SFMBT2: variants seen among roughly 807,000 people sequenced by gnomAD.
The protein encoded by SFMBT2 is Scm like with four mbt domains 2.
SFMBT2 carries 38 observed loss-of-function variants against 110.1 expected under a neutral mutation model. The observed-to-expected ratio is 0.35, with a 90% CI of 0.27 to 0.45. The LOEUF (loss-of-function observed/expected upper bound fraction) is 0.45, where lower values mean the gene tolerates loss of function less well. SFMBT2 is among the 20% of genes least tolerant of loss of function. SFMBT2 has a pLI of 1.00. For missense variants in SFMBT2, 1,011 were observed against 1,094.9 expected, an observed-to-expected ratio of 0.92 and a Z score of 1.08; for synonymous variants, 425 against 425.4, an observed-to-expected ratio of 1.00 and a Z score of 0.01.
Position 7,273,484 on chromosome 10 carries a change from T to A in SFMBT2, c.870+3408A>T, listed in dbSNP as rs146844399. 3.4e-3 allele frequency among the ~76,000 whole-genome samples: 522 copies of A among 152,328 alleles called. 2 individuals are homozygous for A. The highest frequency in any genetic ancestry group is 0.01 in the Middle Eastern group (3 of 294). On this transcript the variant is annotated intron_variant, in intron 7 of 20. Coordinates refer to ENST00000397167, the MANE Select transcript of SFMBT2 (RefSeq NM_001387889.1). ...CCCACATTTTTTTAATGTATTTTTT[T>A]AAATTATACTTTAAGTTCTAGGGTA...
At position 7,399,089 on chromosome 10, in the gene SFMBT2, G is replaced by A. The variant is rs566329621; in HGVS notation, c.-52+11772C>T. On this transcript the variant is annotated intron_variant, in intron 1 of 20. Coordinates refer to ENST00000397167, the MANE Select transcript of SFMBT2 (RefSeq NM_001387889.1). ...CACTGTCAACCAAAATACCAATAAC[G>A]AAGAGATGAAGAGTCCCAACACTGT... Among the ~76,000 whole-genome samples the A allele has an allele frequency of 7.9e-5, 12 of 152,290 alleles. No individual in the cohort carries two copies. In the South Asian group the frequency reaches 8.3e-4, roughly 11 times the overall value.
intron 10 of SFMBT2, among the ~76,000 whole-genome samples, chr10:7,224,044 T>C (rs1010134229): frequency 4.6e-5 from 7 of 152,228 alleles, no homozygotes; most frequent in Admixed American, 2.0e-4. Flanking sequence ...ATCTTTTCTA[T>C]TGATAATGAG....
chr10:7,370,435 C>T, intron 2 of SFMBT2, 60 bp from the exon 3 acceptor site: 1 of 1,381,676 alleles, frequency 7.2e-7, no homozygotes, highest in Non-Finnish European at 1.0e-6. Flanking sequence ...AAGGTGCTGG[C>T]CTGCAACTGA....
chr10:7,258,582 C>T (rs1419061032), intron 7 of SFMBT2, among the ~76,000 whole-genome samples: 1 of 152,136 alleles, frequency 6.6e-6, no homozygotes, highest in East Asian at 1.9e-4. Flanking sequence ...TCAGTGAAGT[C>T]AATGGAAGGT....
At chr10:7,228,734 TCCTTTCTC>T (rs1564395374) in intron 9 of SFMBT2, among the ~76,000 whole-genome samples, 1 of 55,420 alleles carries the variant, frequency 1.8e-5, no homozygotes. Flanking sequence ...TTTCTTTCTT[TCCTTTCTC>T]TCTCTCTCTC....
chr10:7,349,167 C>A (rs112449006), intron 4 of SFMBT2, among the ~76,000 whole-genome samples: 16 of 152,266 alleles, frequency 1.1e-4, no homozygotes, highest in African/African-American at 3.9e-4. Context: ...TCCCAGAGAT[C>A]ATAAATGTGA....
intron 11 of SFMBT2, among the ~76,000 whole-genome samples, chr10:7,213,284 G>A (rs1322974149): frequency 1.3e-5 from 2 of 152,138 alleles, no homozygotes; most frequent in Admixed American, 6.5e-5. Flanking sequence ...CAGACCTACT[G>A]TGTATTAGGA....
At chr10:7,329,408 A>C (rs1843497185) in intron 4 of SFMBT2, 1 of 982,154 alleles carries the variant, frequency 1.0e-6, no homozygotes, top group Non-Finnish European at 1.2e-6. Context: ...AGCGCAGCAC[A>C]GCACGGGTGC....
chr10:7,238,605 T>C (rs1224112542), intron 9 of SFMBT2, among the ~76,000 whole-genome samples: 1 of 152,208 alleles, frequency 6.6e-6, no homozygotes, highest in African/African-American at 2.4e-5. Context: ...ACACCTTTAC[T>C]TCCTAAATTG....
chr10:7,240,649 C>T (rs542256372), intron 9 of SFMBT2, among the ~76,000 whole-genome samples: 35 of 152,220 alleles, frequency 2.3e-4, no homozygotes, highest in African/African-American at 7.9e-4. Context: ...ATTCCTCCAC[C>T]GTCTCACCAA....
At position 7,377,961 on chromosome 10, in the gene SFMBT2, G is replaced by GT. The variant is rs202060030; in HGVS notation, c.100+3837_100+3838insA. ...TGTCTGTACCCCCAAAATTTTGTGT[G>GT]GGGGGGGGTTGTGTGTGTGGGGGGG... On this transcript the variant is annotated intron_variant, in intron 2 of 20. Transcript: ENST00000397167. Among the ~76,000 whole-genome samples the GT allele has an allele frequency of 9.4e-3, 634 of 67,348 alleles. 8 individuals are homozygous for GT. The highest frequency in any genetic ancestry group is 0.024 in the African/African-American group (574 of 24,006). The allele number at this position is 67,348 out of a possible 152,430, so 44.2% of individuals were successfully genotyped here. A position where few individuals can be genotyped will look rare whatever the true frequency, so the allele number is the denominator to read the frequency against.
At position 7,232,646 on chromosome 10, in the gene SFMBT2, T is replaced by C. The variant is rs1158610466; in HGVS notation, c.1121-4709A>G. Among the ~76,000 whole-genome samples the C allele has an allele frequency of 3.3e-5, 5 of 152,146 alleles. No individual in the cohort carries two copies. The East Asian group carries it at 5.8e-4, about 18-fold the overall frequency. On this transcript the variant is annotated intron_variant, in intron 9 of 20. Coordinates refer to ENST00000397167, the MANE Select transcript of SFMBT2 (RefSeq NM_001387889.1). Reference sequence around the variant, plus strand: ...ATGCAAAGATGAAGACCAGAGAAAATGTACAAAAACCTTAATAATAAATAT... The same window carrying C: ...ATGCAAAGATGAAGACCAGAGAAAACGTACAAAAACCTTAATAATAAATAT...
intron 4 of SFMBT2, among the ~76,000 whole-genome samples, chr10:7,297,360 C>T: frequency 6.6e-6 from 1 of 152,202 alleles, no homozygotes; most frequent in Non-Finnish European, 1.5e-5. Context: ...GGCTGCCTAA[C>T]CTCTCCAGGT....
rs529341906 is a variant in SFMBT2, at chr10:7,206,107, T to C, written c.1331-179A>G. ...ATGACTTTAGAGGAGTCTTTAATCT[T>C]ATCAGAGACAAAACTCCTTGAAATA... On this transcript the variant is annotated intron_variant, in intron 11 of 20. Transcript: ENST00000397167. 1.5e-5 allele frequency: 15 copies of C among 985,400 alleles called. No homozygotes were observed. In the Admixed American group the frequency reaches 2.5e-4, roughly 16 times the overall value. The allele number at this position is 985,400 out of a possible 1,614,324, so 61.0% of individuals were successfully genotyped here.
chr10:7,244,274 T>C (rs1430189843), intron 8 of SFMBT2: 1 of 241,596 alleles, frequency 4.1e-6, no homozygotes, highest in Admixed American at 6.5e-5. Flanking sequence ...CAAAACACAG[T>C]GCGTTTTCAA....
At chr10:7,332,099 C>A (rs146706260) in intron 4 of SFMBT2, among the ~76,000 whole-genome samples, 1 of 151,168 alleles carries the variant, frequency 6.6e-6, no homozygotes, top group Non-Finnish European at 1.5e-5. Flanking sequence ...AAGTCATCTG[C>A]GGAGTGATGG....
At chr10:7,248,712 C>A in intron 7 of SFMBT2, 63 bp from the exon 8 acceptor site, 1 of 1,447,824 alleles carries the variant, frequency 6.9e-7, no homozygotes, top group Non-Finnish European at 9.6e-7. Flanking sequence ...AGCCACTGTC[C>A]GGATGCGCTC....
At chr10:7,325,516 C>T (rs537056975) in intron 4 of SFMBT2, among the ~76,000 whole-genome samples, 1 of 152,174 alleles carries the variant, frequency 6.6e-6, no homozygotes, top group Non-Finnish European at 1.5e-5. Flanking sequence ...AAGGACTTCT[C>T]TTCTTCTAAA....
At chr10:7,244,337 C>T in intron 8 of SFMBT2, 1 of 193,420 alleles carries the variant, frequency 5.2e-6, no homozygotes, top group Non-Finnish European at 9.5e-6. Flanking sequence ...ACCGCCCTCA[C>T]TCTGCGCTCC....
Sources: gnomAD v4.1 joint callset for allele counts (sites outside exome capture counted in the v4.1 genomes callset) on GRCh38, gnomAD v4.1.1 for gene constraint, MANE v1.5 for transcripts, NCBI Gene and HGNC (gene_info 2026-07-23, HGNC 2026-07-21) for gene names.